DPH6: variants seen among roughly 807,000 people sequenced by gnomAD.
DPH6 encodes diphthamine biosynthesis 6, also known as diphthine--ammonia ligase.
DPH6 carries 33 observed loss-of-function variants against 38.2 expected under a neutral mutation model. The ratio of observed to expected loss-of-function variants is 0.86; its 90% CI spans 0.65 to 1.15. The LOEUF is 1.15. DPH6 is among the 50% of genes most tolerant of loss of function. The probability of loss-of-function intolerance (pLI) is 0.00; values close to 1 mark genes in which losing one functional copy is unlikely to be tolerated. For synonymous variants in DPH6, 108 were observed against 103.0 expected (o/e 1.05, Z -0.30); for missense variants, 325 against 320.0 (o/e 1.02, Z -0.12).
rs60867019 is a variant in DPH6, at chr15:35,481,694, GAAT to G, written c.313-26877_313-26875del. Among the ~76,000 whole-genome samples, 471 of 152,176 alleles carry G rather than the reference GAAT, an allele frequency of 3.1e-3. 3 individuals carry two copies. The East Asian group carries it at 0.035, about 11-fold the overall frequency. On this transcript the variant is annotated intron_variant, in intron 3 of 8. Transcript: ENST00000256538. ...ATAAGACCTGGGATTTGCTTCGAAAGAATAATAGAAGGAGGGAAGTAAATGGAT... is the reference window on the plus strand; with the variant it reads ...ATAAGACCTGGGATTTGCTTCGAAAGAATAGAAGGAGGGAAGTAAATGGAT...
intron 3 of DPH6, among the ~76,000 whole-genome samples, chr15:35,312,011 A>AAAAAAAAAAAAAAAAAAAAAAAG: frequency 1.0e-3 from 2 of 1,960 alleles, no homozygotes; most frequent in Non-Finnish European, 1.6e-3. Flanking sequence ...TAAGAAAATG[A>AAAAAAAAAAAAAAAAAAAAAAAG]AAAAAAAAAA....
At position 35,242,833 on chromosome 15, in the gene DPH6, T is replaced by G. The variant is rs1389685007; in HGVS notation, n.201-22251A>C. ...AACTTCGACTGTGCCCCCAAATAACTTGTCATCCCTACTATCTTCTGTCTA... is the reference window on the plus strand; with the variant it reads ...AACTTCGACTGTGCCCCCAAATAACGTGTCATCCCTACTATCTTCTGTCTA... On this transcript the variant is annotated intron_variant and non_coding_transcript_variant, in intron 3 of 3. Coordinates refer to the DPH6 transcript ENST00000560386. 2.8e-5 allele frequency among the ~76,000 whole-genome samples: 4 copies of G among 141,810 alleles called. 1 individual carries two copies. Among genetic ancestry groups the G allele is most frequent in the African/African-American group, 1.0e-4 (4 of 39,138 alleles). 93.0% of individuals were successfully genotyped at this position (141,810 alleles called of 152,430 possible).
chr15:35,338,682 G>T (rs1413665025), intron 3 of DPH6, among the ~76,000 whole-genome samples: 1 of 152,132 alleles, frequency 6.6e-6, no homozygotes, highest in African/African-American at 2.4e-5. Context: ...CCATTACTGG[G>T]TATATACCCA....
chr15:35,341,773 C>T (rs966921295), intron 3 of DPH6, among the ~76,000 whole-genome samples: 9 of 152,192 alleles, frequency 5.9e-5, no homozygotes, highest in East Asian at 3.9e-4. Context: ...ACTGACCTGT[C>T]GCTGTTCCAA....
rs8042016 is a variant in DPH6 at position 35,391,245 on chromosome 15, C to T, written c.568-9329G>A. On this transcript the variant is annotated intron_variant, in intron 6 of 8. Transcript: ENST00000256538. The stretch of plus-strand genomic sequence containing the variant: ...TACCTGGCTGTGCGAGGTGTCAGTC[C>T]GCCCCTACTGGGGGGTGCCTCCCAG... Among the ~76,000 whole-genome samples, 724 of 152,228 alleles carry T rather than the reference C, an allele frequency of 4.8e-3. 8 individuals carry two copies. Among genetic ancestry groups the T allele is most frequent in the African/African-American group, 0.016 (656 of 41,538 alleles).
At chr15:35,220,093 A>G (rs1304171664) in exon 4 of DPH6, 1 of 152,264 alleles carries the variant, frequency 6.6e-6, no homozygotes, top group Non-Finnish European at 1.5e-5. Context: ...GAGTATAATA[A>G]GGAACATCCA....
chr15:35,355,297 T>A (rs192503277), intron 3 of DPH6, among the ~76,000 whole-genome samples: 1 of 152,198 alleles, frequency 6.6e-6, no homozygotes, highest in Non-Finnish European at 1.5e-5. Flanking sequence ...TTAAGGTTAA[T>A]ATTGTTATGT....
intron 5 of DPH6, among the ~76,000 whole-genome samples, chr15:35,444,720 T>G (rs959385273): frequency 1.3e-5 from 2 of 152,310 alleles, no homozygotes. Flanking sequence ...GTCCAGTCAT[T>G]TAAAGCTTTC....
At chr15:35,262,728 A>G (rs1417255627) in intron 3 of DPH6, among the ~76,000 whole-genome samples, 2 of 147,022 alleles carry the variant, frequency 1.4e-5, no homozygotes, top group African/African-American at 2.4e-5. Flanking sequence ...AAAAAAAAAA[A>G]AAAAAAAAGA....
intron 5 of DPH6, among the ~76,000 whole-genome samples, chr15:35,450,181 A>G (rs2053913978): frequency 6.6e-6 from 1 of 152,116 alleles, no homozygotes; most frequent in Non-Finnish European, 1.5e-5. Flanking sequence ...TGATTTTCTC[A>G]CCATCCCCAA....
In DPH6 at chr15:35,492,003, C is replaced by T. The variant is rs532533570; in HGVS notation, c.313-37183G>A. 1.3e-3 allele frequency among the ~76,000 whole-genome samples: 194 copies of T among 151,782 alleles called. 1 individual carries two copies. The highest frequency in any genetic ancestry group is 2.1e-3 in the Non-Finnish European group (146 of 67,938). On this transcript the variant is annotated intron_variant, in intron 3 of 8. Coordinates refer to ENST00000256538, the MANE Select transcript of DPH6 (RefSeq NM_080650.4). ...CATGTAATTATGAAAGCTGAGAAGT[C>T]CCATAATCTGCTGTCTGCAAGCTGG...
At chr15:35,325,524 G>A (rs745452026) in intron 3 of DPH6, among the ~76,000 whole-genome samples, 5 of 152,066 alleles carry the variant, frequency 3.3e-5, no homozygotes, top group Non-Finnish European at 4.4e-5. Context: ...ATGTACATGC[G>A]GAAAACATAA....
In DPH6 at chr15:35,542,503, C is replaced by A; in HGVS notation, c.28G>T (p.Gly10Trp). ...ATCATATTATAGCAGCTGTCCTTCC[C>A]ACCACTAAACAATAAATCAAGAGAG... Reference protein sequence around the residue: MRVAALISGGKDSCYNMMQC... With the variant: MRVAALISGWKDSCYNMMQC... The change falls in exon 2 of 9, where the codon GGG becomes TGG. Residue 10 changes from glycine (G) to tryptophan (W), a missense_variant. Gly to Trp is a radical substitution (Grantham distance 184, BLOSUM62 -2). Coordinates refer to ENST00000256538, the MANE Select transcript of DPH6 (RefSeq NM_080650.4). 1.3e-6 allele frequency: 2 copies of A among 1,544,136 alleles called. No individual in the cohort carries two copies. The highest frequency in any genetic ancestry group is 2.4e-5 in the South Asian group (2 of 83,778).
intron 3 of DPH6, among the ~76,000 whole-genome samples, chr15:35,339,387 T>A (rs2052402891): frequency 6.6e-6 from 1 of 151,864 alleles, no homozygotes; most frequent in Non-Finnish European, 1.5e-5. Context: ...TGCAGTGGCG[T>A]GATCTCGACT....
At chr15:35,385,451 T>G (rs931776192) in intron 6 of DPH6, among the ~76,000 whole-genome samples, 15 of 152,116 alleles carry the variant, frequency 9.9e-5, no homozygotes, top group African/African-American at 3.6e-4. Flanking sequence ...AAAAGGATGA[T>G]TTCATGGCCT....
At chr15:35,389,888 T>C (rs1050903588) in intron 6 of DPH6, among the ~76,000 whole-genome samples, 1 of 152,218 alleles carries the variant, frequency 6.6e-6, no homozygotes, top group Non-Finnish European at 1.5e-5. Flanking sequence ...GTCATTATGA[T>C]GTTAGCTGGT....
the DPH6 span, among the ~76,000 whole-genome samples, chr15:35,165,529 C>T: frequency 1.3e-5 from 2 of 151,728 alleles, no homozygotes; most frequent in African/African-American, 4.8e-5. Context: ...TCAAATTGTT[C>T]TACATAATTA....
At chr15:35,267,012 A>G (rs1218544817) in intron 3 of DPH6, among the ~76,000 whole-genome samples, 1 of 152,220 alleles carries the variant, frequency 6.6e-6, no homozygotes, top group Non-Finnish European at 1.5e-5. Flanking sequence ...CAGCAATAGT[A>G]GAGTTCAATG....
chr15:35,337,345 T>A (rs933259436), intron 3 of DPH6, among the ~76,000 whole-genome samples: 16 of 152,022 alleles, frequency 1.1e-4, no homozygotes, highest in African/African-American at 3.6e-4. Context: ...CTTTTTTTCT[T>A]TATTAGTCTT....
Sources: allele counts gnomAD v4.1 joint callset (sites outside exome capture counted in the v4.1 genomes callset), GRCh38; gene constraint gnomAD v4.1.1; transcripts MANE v1.5; gene names NCBI Gene and HGNC (gene_info 2026-07-23, HGNC 2026-07-21).